The following PPM1E variants were observed in gnomAD, a reference collection of about 807,000 sequenced individuals.
The protein encoded by PPM1E is protein phosphatase, Mg2+/Mn2+ dependent 1E.
In PPM1E, 20 loss-of-function variants were observed where a neutral mutation model predicts 65.9. The observed-to-expected ratio is 0.30, with a 90% CI of 0.21 to 0.44. PPM1E has a LOEUF of 0.44. Ranked by LOEUF, PPM1E falls within the 20% of genes least tolerant of loss-of-function variation. The pLI is 1.00. For synonymous variants in PPM1E, 352 were observed against 374.9 expected, an observed-to-expected ratio of 0.94 and a Z score of 0.70; for missense variants, 713 against 953.1, an observed-to-expected ratio of 0.75 and a Z score of 3.32.
intron 1 of PPM1E, among the ~76,000 whole-genome samples, chr17:58,906,305 T>C (rs954019238): frequency 6.6e-6 from 1 of 152,152 alleles, no homozygotes; most frequent in African/African-American, 2.4e-5. Flanking sequence ...AGCTTTTAGT[T>C]CCATTGATTT....
rs955494713 is a variant in PPM1E at position 58,983,151 on chromosome 17, G to A, written c.*2120G>A. 4.4e-6 allele frequency: 2 copies of A among 458,152 alleles called. No homozygotes were observed. Among genetic ancestry groups the A allele is most frequent in the Admixed American group, 3.6e-5 (1 of 27,422 alleles). The allele number at this position is 458,152 out of a possible 1,614,324, so 28.4% of individuals were successfully genotyped here. ...GGACAAACACAGACCCATCTTTAGGGGTCTGGATTTTGTAGGTCCGACTAC... is the reference window on the plus strand; with the variant it reads ...GGACAAACACAGACCCATCTTTAGGAGTCTGGATTTTGTAGGTCCGACTAC... On this transcript the variant is annotated 3_prime_UTR_variant, in exon 7 of 7. Transcript: ENST00000308249.
intron 1 of PPM1E, among the ~76,000 whole-genome samples, chr17:58,913,394 A>C (rs571089836): frequency 1.3e-5 from 2 of 152,278 alleles, no homozygotes; most frequent in Admixed American, 6.5e-5. Context: ...TAAAAAAAAA[A>C]CTTTTTAATT....
intron 2 of PPM1E, among the ~76,000 whole-genome samples, chr17:58,957,714 T>C (rs962257846): frequency 6.6e-6 from 1 of 151,980 alleles, no homozygotes; most frequent in Non-Finnish European, 1.5e-5. Context: ...CCAAAAACAG[T>C]CTTAAAAAAA....
intron 1 of PPM1E, among the ~76,000 whole-genome samples, chr17:58,846,164 CT>C (rs1469814944): frequency 6.6e-6 from 1 of 152,098 alleles, no homozygotes; most frequent in Non-Finnish European, 1.5e-5. Flanking sequence ...GGACCCAATT[CT>C]TTTGAGTATA....
chr17:58,788,186 G>T (rs1567833699), intron 1 of PPM1E, among the ~76,000 whole-genome samples: 3 of 151,986 alleles, frequency 2.0e-5, no homozygotes, highest in Non-Finnish European at 4.4e-5. Flanking sequence ...AAGTAGCTGG[G>T]ATTACAGGCG....
intron 1 of PPM1E, among the ~76,000 whole-genome samples, chr17:58,840,166 T>A (rs949608218): frequency 1.3e-5 from 2 of 152,182 alleles, no homozygotes; most frequent in African/African-American, 2.4e-5. Context: ...CAGTGGTAAC[T>A]TCCCCCAGCA....
chr17:58,783,450 T>C (rs2050068355), intron 1 of PPM1E, among the ~76,000 whole-genome samples: 1 of 152,190 alleles, frequency 6.6e-6, no homozygotes, highest in Admixed American at 6.5e-5. Context: ...TTAATTACTG[T>C]AGTTTTTTGA....
intron 1 of PPM1E, among the ~76,000 whole-genome samples, chr17:58,790,894 A>AT (rs112986455): frequency 0.63 from 93,779 of 147,882 alleles, 29,829 homozygotes; most frequent in African/African-American, 0.71. Context: ...GAGATAATAA[A>AT]TTTTTTTTTT....
chr17:58,867,758 T>G (rs542995751), intron 1 of PPM1E, among the ~76,000 whole-genome samples: 3 of 152,356 alleles, frequency 2.0e-5, no homozygotes, highest in African/African-American at 7.2e-5. Context: ...TTGTTTTACC[T>G]TCTAATTCTA....
rs2050180656 is a variant in PPM1E at position 58,793,841 on chromosome 17, A to G, written c.464+37380A>G. 2.0e-5 allele frequency among the ~76,000 whole-genome samples: 3 copies of G among 152,136 alleles called. 1 individual carries two copies. The South Asian group carries it at 6.2e-4, about 32-fold the overall frequency. On this transcript the variant is annotated intron_variant, in intron 1 of 6. Coordinates refer to ENST00000308249, the MANE Select transcript of PPM1E (RefSeq NM_014906.5). ...TAATACTTCTATATAAACTGTGTAT[A>G]TACCACTTTTATTTTATTTTGCGAC...
intron 1 of PPM1E, among the ~76,000 whole-genome samples, chr17:58,863,693 A>T (rs1363225647): frequency 6.6e-6 from 1 of 152,194 alleles, no homozygotes; most frequent in East Asian, 1.9e-4. Flanking sequence ...CAGAGATTTT[A>T]TTGAGCAATG....
chr17:58,957,783 A>T (rs1444232522), intron 2 of PPM1E, among the ~76,000 whole-genome samples: 2 of 152,144 alleles, frequency 1.3e-5, no homozygotes, highest in African/African-American at 4.8e-5. Context: ...TTGCTAAGTG[A>T]CCTTGGATAT....
At chr17:58,781,514 AT>A (rs2050049313) in intron 1 of PPM1E, among the ~76,000 whole-genome samples, 1 of 152,170 alleles carries the variant, frequency 6.6e-6, no homozygotes, top group African/African-American at 2.4e-5. Context: ...TGTTTCACAA[AT>A]TCTTGCCTTG....
rs1369673914 is a variant in PPM1E at position 58,836,385 on chromosome 17, G to T, written c.464+79924G>T. On this transcript the variant is annotated intron_variant, in intron 1 of 6. Coordinates refer to ENST00000308249, the MANE Select transcript of PPM1E (RefSeq NM_014906.5). ...GTGGCTCACACCTGCACTTTGGGAG[G>T]CCAAGGTATGAGGATTTAATGAGCC... 2.0e-5 allele frequency among the ~76,000 whole-genome samples: 3 copies of T among 151,750 alleles called. No homozygotes were observed. The East Asian group carries it at 5.9e-4, about 30-fold the overall frequency.
intron 2 of PPM1E, among the ~76,000 whole-genome samples, chr17:58,962,153 G>A (rs951861144): frequency 5.9e-5 from 9 of 151,862 alleles, no homozygotes; most frequent in African/African-American, 9.7e-5. Flanking sequence ...GCATGGTGGT[G>A]CATACCTGTA....
At chr17:58,800,754 C>T (rs1386067080) in intron 1 of PPM1E, among the ~76,000 whole-genome samples, 1 of 152,068 alleles carries the variant, frequency 6.6e-6, no homozygotes, top group African/African-American at 2.4e-5. Context: ...TCTGTGGGAT[C>T]TTAGGTGATA....
chr17:58,936,917 A>G (rs182034942), intron 1 of PPM1E, among the ~76,000 whole-genome samples: 1 of 152,258 alleles, frequency 6.6e-6, no homozygotes, highest in African/African-American at 2.4e-5. Context: ...TTCATATTCA[A>G]TCCAATCTGA....
At chr17:58,756,515 C>T (rs1026000215) in intron 1 of PPM1E, 54 bp downstream of exon 1, 2 of 1,260,330 alleles carry the variant, frequency 1.6e-6, no homozygotes, top group Admixed American at 4.3e-5. Context: ...CCGCGCCGGC[C>T]TCGGACGCGG....
intron 1 of PPM1E, among the ~76,000 whole-genome samples, chr17:58,819,472 CA>C (rs2050458536): frequency 6.6e-6 from 1 of 152,072 alleles, no homozygotes; most frequent in African/African-American, 2.4e-5. Flanking sequence ...TTTCTAATTA[CA>C]TTTTTTGTTT....
Sources: gnomAD v4.1 joint callset for allele counts (sites outside exome capture counted in the v4.1 genomes callset) on GRCh38, gnomAD v4.1.1 for gene constraint, MANE v1.5 for transcripts, NCBI Gene and HGNC (gene_info 2026-07-23, HGNC 2026-07-21) for gene names.